Variants in LGR6 observed in about 807,000 individuals in gnomAD.
LGR6 encodes the protein leucine rich repeat containing G protein-coupled receptor 6, also known as leucine-rich repeat-containing G protein-coupled receptor 6.
LGR6 carries 45 observed loss-of-function variants against 69.4 expected under a neutral mutation model. The ratio of observed to expected loss-of-function variants is 0.65; its 90% confidence interval spans 0.51 to 0.83. The LOEUF is 0.83. LGR6 is among the 40% of genes least tolerant of loss of function. The pLI is 0.00. For synonymous variants in LGR6, 538 were observed against 555.0 expected, an observed-to-expected ratio of 0.97 and a Z score of 0.43; for missense variants, 1,108 against 1,246.7, an observed-to-expected ratio of 0.89 and a Z score of 1.68.
intron 5 of LGR6, among the ~76,000 whole-genome samples, chr1:202,278,251 G>A (rs1191210767): frequency 6.6e-6 from 1 of 152,172 alleles, no homozygotes; most frequent in Non-Finnish European, 1.5e-5. Context: ...AGAAGGGATG[G>A]AAGGGAAGGC....
At chr1:202,227,598 A>G (rs867966315) in intron 2 of LGR6, among the ~76,000 whole-genome samples, 2 of 152,240 alleles carry the variant, frequency 1.3e-5, no homozygotes, top group Middle Eastern at 3.4e-3. Context: ...ACAGGAGAGG[A>G]TGTGGGGAAA....
intron 1 of LGR6, among the ~76,000 whole-genome samples, chr1:202,204,652 C>CAT (rs1571806550): frequency 7.1e-5 from 3 of 42,166 alleles, no homozygotes; most frequent in Admixed American, 3.1e-4. Flanking sequence ...AACACACACA[C>CAT]ACCTCCAAAC....
At chr1:202,225,671 T>C (rs1660489049) in intron 2 of LGR6, among the ~76,000 whole-genome samples, 177 bp downstream of exon 2, 1 of 152,148 alleles carries the variant, frequency 6.6e-6, no homozygotes. Flanking sequence ...ATTGACATGC[T>C]GGGCCACATG....
At chr1:202,278,547 C>T (rs756584557) in intron 5 of LGR6, among the ~76,000 whole-genome samples, 15 of 152,004 alleles carry the variant, frequency 9.9e-5, no homozygotes, top group Non-Finnish European at 2.1e-4. Context: ...AAACATTACC[C>T]CTTCATCCCT....
intron 1 of LGR6, among the ~76,000 whole-genome samples, chr1:202,212,936 C>A (rs187022275): frequency 5.3e-5 from 8 of 152,252 alleles, no homozygotes; most frequent in Non-Finnish European, 1.2e-4. Flanking sequence ...CAGCTCAGGC[C>A]AAGCTTCCTC....
intron 1 of LGR6, among the ~76,000 whole-genome samples, chr1:202,202,157 T>C (rs779927217): frequency 9.2e-5 from 14 of 152,110 alleles, no homozygotes; most frequent in Non-Finnish European, 1.8e-4. Context: ...GGGGAAGCCA[T>C]GAGCCCAGGT....
intron 6 of LGR6, among the ~76,000 whole-genome samples, chr1:202,293,490 T>C (rs949706650): frequency 6.6e-6 from 1 of 152,182 alleles, no homozygotes; most frequent in African/African-American, 2.4e-5. Flanking sequence ...TGCATTTGTC[T>C]AGATAGGAGT....
chr1:202,251,572 C>T (rs1370335070), intron 4 of LGR6, among the ~76,000 whole-genome samples: 1 of 152,156 alleles, frequency 6.6e-6, no homozygotes, highest in Non-Finnish European at 1.5e-5. Flanking sequence ...CTCTATTCCC[C>T]AGGCAGGACT....
chr1:202,276,691 C>T (rs2148164342), intron 5 of LGR6, among the ~76,000 whole-genome samples, 170 bp downstream of exon 5: 1 of 152,262 alleles, frequency 6.6e-6, no homozygotes, highest in African/African-American at 2.4e-5. Flanking sequence ...CTGTTGATCC[C>T]ATAGGGTTAT....
At chr1:202,203,641 T>A in intron 1 of LGR6, 1 of 622,844 alleles carries the variant, frequency 1.6e-6, no homozygotes, top group African/African-American at 1.8e-5. Context: ...GAGAGAGAGA[T>A]AAGACAAGCG....
chr1:202,312,556 G>C (rs956992442), intron 16 of LGR6, among the ~76,000 whole-genome samples: 5 of 152,198 alleles, frequency 3.3e-5, no homozygotes, highest in Non-Finnish European at 5.9e-5. Flanking sequence ...ACAGGAAACA[G>C]ACTTTGTGAA....
At chr1:202,292,999 C>G (rs1041370369) in intron 6 of LGR6, among the ~76,000 whole-genome samples, 1 of 152,214 alleles carries the variant, frequency 6.6e-6, no homozygotes, top group Non-Finnish European at 1.5e-5. Context: ...TTTAATCTCT[C>G]TGTGCCTCGC....
At chr1:202,222,387 G>A (rs1192765899) in intron 1 of LGR6, among the ~76,000 whole-genome samples, 8 of 152,102 alleles carry the variant, frequency 5.3e-5, no homozygotes, top group Non-Finnish European at 1.0e-4. Context: ...CAATGAGGCC[G>A]CTAGTCAGGG....
chr1:202,210,575 A>AGGTG (rs1659426501), intron 1 of LGR6: 1 of 152,196 alleles, frequency 6.6e-6, no homozygotes, highest in African/African-American at 2.4e-5. Context: ...TCCAACCCAG[A>AGGTG]CGGCTGCGGT....
rs149019906 is a variant in LGR6, at chr1:202,215,457, G to A, written c.213-9966G>A. 7.7e-3 allele frequency among the ~76,000 whole-genome samples: 1,174 copies of A among 152,198 alleles called. 6 individuals carry two copies. Among genetic ancestry groups the A allele is most frequent in the Admixed American group, 0.015 (232 of 15,294 alleles). On this transcript the variant is annotated intron_variant, in intron 1 of 17. Transcript: ENST00000367278. ...TTCTAAGGGGCTTCCAGTCTGATAG[G>A]GTGAACAGAATTCACGCCCACATAC...
intron 5 of LGR6, among the ~76,000 whole-genome samples, chr1:202,278,051 C>T (rs370195004): frequency 3.9e-5 from 6 of 152,064 alleles, no homozygotes; most frequent in African/African-American, 9.7e-5. Flanking sequence ...GGACTTTCAA[C>T]GTCAGAACAG....
chr1:202,253,753 C>A (rs1183136646), intron 4 of LGR6, among the ~76,000 whole-genome samples: 1 of 149,672 alleles, frequency 6.7e-6, no homozygotes, highest in African/African-American at 2.5e-5. Context: ...CTCAGCCTCC[C>A]GAGTAGCTGG....
rs75658797 is a variant in LGR6, at chr1:202,318,626, G to A, written c.2323G>A (p.Val775Met). 0.12 allele frequency: 187,527 copies of A among 1,613,732 alleles called. 11,663 individuals carry two copies. The highest frequency in any genetic ancestry group is 0.18 in the Middle Eastern group (1,070 of 6,062). The change falls in exon 18 of 18, where the codon GTG (valine) becomes ATG (methionine). Residue 775 changes from valine (V) to methionine (M), a missense_variant. By Grantham distance (21) the Val-to-Met change is conservative. Transcript: ENST00000367278. ...GTGGGACTGCGCCATGGTGAGGCAC[G>A]TGGCCTGGCTCATCTTCGCAGACGG... ...AVWDCAMVRHVAWLIFADGLL... is the reference protein window; with the variant it reads ...AVWDCAMVRHMAWLIFADGLL...
At chr1:202,235,685 T>G (rs975228560) in intron 3 of LGR6, among the ~76,000 whole-genome samples, 2 of 152,090 alleles carry the variant, frequency 1.3e-5, no homozygotes, top group African/African-American at 2.4e-5. Context: ...CCTTCTGAGA[T>G]GCTCTCCCTG....
Sources: allele counts gnomAD v4.1 joint callset (sites outside exome capture counted in the v4.1 genomes callset), GRCh38; gene constraint gnomAD v4.1.1; transcripts MANE v1.5; gene names NCBI Gene and HGNC (gene_info 2026-07-23, HGNC 2026-07-21).